GLRA2: variants seen among roughly 807,000 people sequenced by gnomAD.
GLRA2 encodes glycine receptor subunit alpha-2.
A neutral mutation model predicts 31.6 loss-of-function variants in GLRA2; 11 were observed. The ratio of observed to expected loss-of-function variants is 0.35; its 90% CI spans 0.22 to 0.58. GLRA2 has a LOEUF of 0.58. GLRA2 is among the 20% of genes least tolerant of loss of function. The probability of loss-of-function intolerance (pLI) is 0.84; values close to 1 mark genes in which losing one functional copy is unlikely to be tolerated. For synonymous variants in GLRA2, 132 were observed against 134.0 expected (o/e 0.99, Z 0.10); for missense variants, 212 against 351.8 (o/e 0.60, Z 3.18).
At chrX:14,554,251 G>A (rs2089609735) in intron 2 of GLRA2, among the ~76,000 whole-genome samples, 2 of 111,726 alleles carry the variant, frequency 1.8e-5, no homozygotes, top group South Asian at 7.6e-4. Context: ...ATTATCGGAA[G>A]CTCTGGCTTC....
intron 7 of GLRA2, among the ~76,000 whole-genome samples, chrX:14,654,434 TA>T (rs1350851673): frequency 8.9e-6 from 1 of 112,413 alleles, no homozygotes; most frequent in Non-Finnish European, 1.9e-5. Context: ...TGCATATTGC[TA>T]TTGCACACTT....
At chrX:14,474,621 G>T in the GLRA2 span, among the ~76,000 whole-genome samples, 86 of 109,933 alleles carry the variant, frequency 7.8e-4, no homozygotes, top group Non-Finnish European at 5.7e-4. Flanking sequence ...GCTGGTGGGT[G>T]GGCTGAAGCT....
chrX:14,574,244 T>C, intron 2 of GLRA2, 89 bp from the exon 3 acceptor site: 2 of 589,081 alleles, frequency 3.4e-6, no homozygotes, highest in Non-Finnish European at 5.9e-6. Context: ...ATTTTAATTG[T>C]ATTCAAATCT....
chrX:14,670,463 T>A (rs2091079920), intron 7 of GLRA2, among the ~76,000 whole-genome samples: 2 of 111,688 alleles, frequency 1.8e-5, no homozygotes, highest in African/African-American at 6.5e-5. Flanking sequence ...ACTGGGCAAT[T>A]TAGAAAAGAA....
chrX:14,628,645 C>T (rs751114788), intron 7 of GLRA2, among the ~76,000 whole-genome samples: 1 of 111,661 alleles, frequency 9.0e-6, no homozygotes, highest in South Asian at 3.7e-4. Context: ...ATAATAGGTA[C>T]CTATATAAAG....
At chrX:14,667,820 TCCA>T (rs2091050652) in intron 7 of GLRA2, among the ~76,000 whole-genome samples, 1 of 111,949 alleles carries the variant, frequency 8.9e-6, no homozygotes, top group Admixed American at 9.5e-5. Flanking sequence ...TTCTCTCTCC[TCCA>T]CAACAAAGAT....
rs750744032 is a variant in GLRA2 at position 14,693,055 on chromosome X, AAAG to A, written c.1080+2199_1080+2201del. Among the ~76,000 whole-genome samples the A allele has an allele frequency of 5.9e-3, 421 of 71,400 alleles. 4 individuals carry two copies. The highest frequency in any genetic ancestry group is 0.017 in the African/African-American group (386 of 22,462). 62.0% of individuals were successfully genotyped at this position (71,400 alleles called of 115,157 possible). A position where few individuals can be genotyped will look rare whatever the true frequency, so the allele number is the denominator to read the frequency against. On this transcript the variant is annotated intron_variant, in intron 8 of 8. Coordinates refer to ENST00000218075, the MANE Select transcript of GLRA2 (RefSeq NM_002063.4). Reference sequence around the variant, plus strand: ...CTTAAAGTATAATAACAAAAAAAAAAAAGAAAGAGGGAATGCAGAACCAGACAG... The same window carrying A: ...CTTAAAGTATAATAACAAAAAAAAAAAAAGAGGGAATGCAGAACCAGACAG...
intron 3 of GLRA2, among the ~76,000 whole-genome samples, chrX:14,575,695 G>A (rs1360269572): frequency 2.7e-5 from 3 of 110,108 alleles, no homozygotes; most frequent in Non-Finnish European, 5.7e-5. Flanking sequence ...TCCTGGCCTC[G>A]AGCAATCCTC....
At chrX:14,487,387 TAA>T in the GLRA2 span, among the ~76,000 whole-genome samples, 549 of 27,890 alleles carry the variant, frequency 0.02, 13 homozygotes, top group African/African-American at 0.066. Flanking sequence ...TGGTTTTCTG[TAA>T]AAAAAAAAAA....
the GLRA2 span, among the ~76,000 whole-genome samples, chrX:14,486,697 G>T: frequency 9.0e-6 from 1 of 111,639 alleles, no homozygotes; most frequent in East Asian, 2.8e-4. Flanking sequence ...TATAATTATT[G>T]CCAGAATATG....
intron 7 of GLRA2, among the ~76,000 whole-genome samples, chrX:14,632,989 T>C (rs1041869373): frequency 9.0e-6 from 1 of 111,532 alleles, no homozygotes; most frequent in African/African-American, 3.3e-5. Flanking sequence ...AAGGTCTCTG[T>C]CACAATTATT....
chrX:14,456,502 C>T, the GLRA2 span, among the ~76,000 whole-genome samples: 1 of 111,896 alleles, frequency 8.9e-6, no homozygotes, highest in East Asian at 2.8e-4. Flanking sequence ...CAAATCTCCC[C>T]CTATACCTCC....
chrX:14,470,729 T>A, the GLRA2 span, among the ~76,000 whole-genome samples: 3 of 111,810 alleles, frequency 2.7e-5, no homozygotes, highest in African/African-American at 9.7e-5. Context: ...GAAAAACAAG[T>A]TATTCAAGGA....
intron 7 of GLRA2, among the ~76,000 whole-genome samples, chrX:14,645,561 A>G (rs927677110): frequency 9.0e-6 from 1 of 111,587 alleles, no homozygotes; most frequent in African/African-American, 3.3e-5. Context: ...TGGCAGAGCC[A>G]TTTTTCAAAG....
chrX:14,627,256 A>G (rs965486894), intron 7 of GLRA2, among the ~76,000 whole-genome samples: 1 of 111,597 alleles, frequency 9.0e-6, no homozygotes, highest in African/African-American at 3.3e-5. Flanking sequence ...TATTCACTCT[A>G]TGTGCCAGAC....
At chrX:14,608,095 C>A (rs2090356789) in intron 6 of GLRA2, among the ~76,000 whole-genome samples, 1 of 111,444 alleles carries the variant, frequency 9.0e-6, no homozygotes, top group African/African-American at 3.3e-5. Context: ...AACAGTGATA[C>A]TTATGAAGTA....
At chrX:14,537,512 T>A (rs1334452049) in intron 2 of GLRA2, among the ~76,000 whole-genome samples, 1 of 111,526 alleles carries the variant, frequency 9.0e-6, no homozygotes, top group Non-Finnish European at 1.9e-5. Flanking sequence ...TGCAGTAACA[T>A]GCACGTGGCC....
At chrX:14,667,056 T>C (rs2091044467) in intron 7 of GLRA2, among the ~76,000 whole-genome samples, 1 of 112,366 alleles carries the variant, frequency 8.9e-6, no homozygotes, top group South Asian at 3.6e-4. Flanking sequence ...TCTACGGTGA[T>C]TTGTTGACTT....
intron 2 of GLRA2, among the ~76,000 whole-genome samples, chrX:14,543,099 G>C (rs5934179): frequency 9.3e-6 from 1 of 107,617 alleles, no homozygotes; most frequent in African/African-American, 3.4e-5. Flanking sequence ...ATTGTTTTAC[G>C]AAATGAAGGG....
Sources: allele counts gnomAD v4.1 joint callset (sites outside exome capture counted in the v4.1 genomes callset), GRCh38; gene constraint gnomAD v4.1.1; transcripts MANE v1.5; gene names NCBI Gene and HGNC (gene_info 2026-07-23, HGNC 2026-07-21).